The following TRIM33 variants were observed in gnomAD, a reference collection of about 807,000 sequenced individuals.
The protein encoded by TRIM33 is tripartite motif containing 33.
TRIM33 carries 20 observed loss-of-function variants against 125.4 expected under a neutral mutation model. The ratio of observed to expected loss-of-function variants is 0.16; its 90% CI spans 0.11 to 0.23. The LOEUF is 0.23. Among genes scored for constraint, TRIM33 ranks in the 10% least tolerant of loss-of-function variants. The pLI, the probability that TRIM33 is intolerant of heterozygous loss-of-function variation, is 1.00. For missense variants in TRIM33, 920 were observed against 1,411.4 expected, an observed-to-expected ratio of 0.65 and a Z score of 5.58; for synonymous variants, 564 against 513.9, an observed-to-expected ratio of 1.10 and a Z score of -1.32.
rs1410936201 is a variant in TRIM33, at chr1:114,510,975, C to T, written c.102G>A (p.Ala34=). The change falls in exon 1 of 20, where the codon GCG becomes GCA. Residue 34 remains alanine, a synonymous_variant. Coordinates refer to ENST00000358465, the MANE Select transcript of TRIM33 (RefSeq NM_015906.4). The stretch of plus-strand genomic sequence containing the variant: ...CCAGCACCGCGGTGAGAGGCGGCTC[C>T]GCCTCCTGCGCGGCGGGCCCGGCGG... ...AGAAGPAAQE[A]EPPLTAVLVE... The T allele has an allele frequency of 7.4e-7, 1 of 1,357,524 alleles. No individual in the cohort carries two copies. Among genetic ancestry groups the T allele is most frequent in the Non-Finnish European group, 9.5e-7 (1 of 1,055,848 alleles). 84.1% of individuals were successfully genotyped at this position (1,357,524 alleles called of 1,614,324 possible).
chr1:114,472,023 A>C (rs1650684556), intron 1 of TRIM33, among the ~76,000 whole-genome samples: 1 of 152,330 alleles, frequency 6.6e-6, no homozygotes, highest in Admixed American at 6.5e-5. Flanking sequence ...AGAAATATTA[A>C]GGCATTTGAT....
chr1:114,499,074 G>A (rs747465536), intron 1 of TRIM33, among the ~76,000 whole-genome samples: 2 of 152,160 alleles, frequency 1.3e-5, no homozygotes, highest in African/African-American at 4.8e-5. Context: ...AGTAGCATCA[G>A]CAACACTGAT....
chr1:114,483,018 A>C (rs1029401487), intron 1 of TRIM33, among the ~76,000 whole-genome samples: 1 of 152,210 alleles, frequency 6.6e-6, no homozygotes, highest in Non-Finnish European at 1.5e-5. Context: ...AATGGGTCAA[A>C]TTCTTTAAAA....
At chr1:114,408,830 C>T (rs1454926007) in intron 12 of TRIM33, 90 bp from the exon 13 acceptor site, 6 of 893,022 alleles carry the variant, frequency 6.7e-6, no homozygotes, top group Non-Finnish European at 1.0e-5. Flanking sequence ...ATTATTATAA[C>T]CCAGCTAAAA....
intron 11 of TRIM33, chr1:114,420,315 C>T: frequency 2.2e-6 from 2 of 923,326 alleles, no homozygotes; most frequent in Non-Finnish European, 3.2e-6. Context: ...CCTTCTAACC[C>T]CATCCTTTTC....
chr1:114,468,413 A>G (rs1650434280), intron 1 of TRIM33: 1 of 354,370 alleles, frequency 2.8e-6, no homozygotes, highest in Non-Finnish European at 5.6e-6. Flanking sequence ...ATACCCAAAC[A>G]GAGGAGACCC....
intron 4 of TRIM33, among the ~76,000 whole-genome samples, chr1:114,461,216 ATAT>A (rs1348510956): frequency 1.6e-4 from 14 of 85,380 alleles, no homozygotes; most frequent in African/African-American, 4.9e-4. Context: ...GTCTTTAAAA[ATAT>A]ATATATATAT....
At position 114,433,746 on chromosome 1, in the gene TRIM33, A is replaced by T; in HGVS notation, c.924-13T>A. The T allele has an allele frequency of 7.0e-6, 10 of 1,431,342 alleles. No homozygotes were observed. The highest frequency in any genetic ancestry group is 9.7e-6 in the Non-Finnish European group (10 of 1,028,382). The allele number at this position is 1,431,342 out of a possible 1,614,324, so 88.7% of individuals were successfully genotyped here. On this transcript the variant is annotated splice_polypyrimidine_tract_variant and intron_variant, in intron 4 of 19. Transcript: ENST00000358465. ...CAAAAACTGATACCTTAAAACCAAA[A>T]CAAAACTACATTTAAAACAAAACAT...
intron 1 of TRIM33, among the ~76,000 whole-genome samples, chr1:114,492,253 T>C (rs1652113025): frequency 2.0e-5 from 3 of 152,168 alleles, no homozygotes; most frequent in African/African-American, 7.2e-5. Flanking sequence ...GAATCAATTT[T>C]TAACATACAA....
chr1:114,465,332 C>G (rs1412350523), intron 1 of TRIM33, among the ~76,000 whole-genome samples: 4 of 152,158 alleles, frequency 2.6e-5, no homozygotes, highest in African/African-American at 9.7e-5. Context: ...GCATAAATGA[C>G]ACAATCCACA....
At position 114,500,925 on chromosome 1, in the gene TRIM33, T is replaced by A. The variant is rs1444521943; in HGVS notation, c.526+9626A>T. The stretch of plus-strand genomic sequence containing the variant: ...AGAATTTGGGGCCGGGCGCGGTGGC[T>A]CACGCCTGTAATCCCAGCACTTTGG... On this transcript the variant is annotated intron_variant, in intron 1 of 19. Coordinates refer to ENST00000358465, the MANE Select transcript of TRIM33 (RefSeq NM_015906.4). Among the ~76,000 whole-genome samples the A allele has an allele frequency of 1.2e-4, 8 of 65,026 alleles. 3 individuals are homozygous for A. The highest frequency in any genetic ancestry group is 2.6e-4 in the Non-Finnish European group (8 of 30,502). 42.7% of individuals were successfully genotyped at this position (65,026 alleles called of 152,430 possible).
chr1:114,466,789 C>T (rs989955613), intron 1 of TRIM33, among the ~76,000 whole-genome samples: 3 of 152,200 alleles, frequency 2.0e-5, no homozygotes, highest in South Asian at 4.1e-4. Flanking sequence ...ATTAGGGTTT[C>T]TCCATGTTAG....
chr1:114,422,495 GA>G (rs59284343), intron 10 of TRIM33, among the ~76,000 whole-genome samples: 2 of 149,538 alleles, frequency 1.3e-5, no homozygotes, highest in African/African-American at 2.5e-5. Context: ...TCTTTAAAAA[GA>G]AAAAAAAAAT....
At chr1:114,410,993 A>C (rs993012791) in intron 11 of TRIM33, among the ~76,000 whole-genome samples, 1 of 152,184 alleles carries the variant, frequency 6.6e-6, no homozygotes, top group African/African-American at 2.4e-5. Context: ...TTAAGTATGA[A>C]TATTACCTTA....
At chr1:114,434,023 G>A (rs936467316) in intron 4 of TRIM33, among the ~76,000 whole-genome samples, 2 of 152,030 alleles carry the variant, frequency 1.3e-5, no homozygotes, top group Admixed American at 6.6e-5. Context: ...TCAAATATTG[G>A]CATAAGTTGT....
Position 114,470,006 on chromosome 1 carries a change from T to C in TRIM33, c.527-5618A>G, listed in dbSNP as rs1278565812. Among the ~76,000 whole-genome samples the C allele has an allele frequency of 2.0e-5, 3 of 152,254 alleles. No homozygotes were observed. In the East Asian group the frequency reaches 5.8e-4, roughly 29 times the overall value. On this transcript the variant is annotated intron_variant, in intron 1 of 19. Coordinates refer to ENST00000358465, the MANE Select transcript of TRIM33 (RefSeq NM_015906.4). ...CAAAGTTAATTTTATCACTTAAGAA[T>C]GAAGCTGGCTTAAGGTGAAGTCATA...
chr1:114,463,591 T>C, intron 2 of TRIM33, 35 bp from the exon 3 acceptor site: 2 of 1,327,164 alleles, frequency 1.5e-6, no homozygotes, highest in Non-Finnish European at 2.1e-6. Context: ...CTAAATTAAA[T>C]ACATAAAATC....
At chr1:114,487,683 G>T (rs1183192641) in intron 1 of TRIM33, among the ~76,000 whole-genome samples, 1 of 150,608 alleles carries the variant, frequency 6.6e-6, no homozygotes, top group Non-Finnish European at 1.5e-5. Flanking sequence ...GGATCATGAG[G>T]TCAGGAGATC....
rs768905206 is a variant in TRIM33 at position 114,397,683 on chromosome 1, G to A, written c.3349C>T (p.Leu1117=). Reference sequence around the variant, plus strand: ...TGTACTGGTCTCTCATCTGACTTTAGGCGTTTTCTGCGGGGCTGTATAAAG... The same window carrying A: ...TGTACTGGTCTCTCATCTGACTTTAAGCGTTTTCTGCGGGGCTGTATAAAG... ...EDFIQPRRKR[L]KSDERPVHIK is the part of the protein sequence containing the mutation. The change falls in exon 20 of 20, where the codon CTA becomes TTA. Residue 1117 remains leucine, a synonymous_variant. Transcript: ENST00000358465. 6.4e-7 allele frequency: 1 copy of A among 1,561,310 alleles called. No homozygotes were observed. The highest frequency in any genetic ancestry group is 2.5e-5 in the East Asian group (1 of 40,118).
Sources: gnomAD v4.1 joint callset for allele counts (sites outside exome capture counted in the v4.1 genomes callset) on GRCh38, gnomAD v4.1.1 for gene constraint, MANE v1.5 for transcripts, NCBI Gene and HGNC (gene_info 2026-07-23, HGNC 2026-07-21) for gene names.